DPP6: variants seen among roughly 807,000 people sequenced by gnomAD.
The protein encoded by DPP6 is A-type potassium channel modulatory protein DPP6.
In DPP6, 69 loss-of-function variants were observed where a neutral mutation model predicts 122.6. That is an observed-to-expected ratio of 0.56 (90% CI 0.46 to 0.69). The LOEUF is 0.69. Among genes scored for constraint, DPP6 ranks in the 30% least tolerant of loss-of-function variants. DPP6 has a pLI of 0.00. For synonymous variants in DPP6, 418 were observed against 433.1 expected (o/e 0.97, Z 0.43); for missense variants, 928 against 1,116.9 (o/e 0.83, Z 2.41).
At chr7:154,827,377 A>T (rs1800242734) in intron 16 of DPP6, among the ~76,000 whole-genome samples, 1 of 151,426 alleles carries the variant, frequency 6.6e-6, no homozygotes, top group Admixed American at 6.6e-5. Flanking sequence ...TCAGTCTCAA[A>T]GCCTTTAGCT....
At chr7:153,871,287 G>A in the DPP6 span, among the ~76,000 whole-genome samples, 1 of 152,222 alleles carries the variant, frequency 6.6e-6, no homozygotes, top group Non-Finnish European at 1.5e-5. Flanking sequence ...CTTGAGCTGT[G>A]GTGGGCTCCA....
the DPP6 span, among the ~76,000 whole-genome samples, chr7:153,786,694 G>T: frequency 7.2e-6 from 1 of 138,204 alleles, no homozygotes; most frequent in Non-Finnish European, 1.5e-5. Flanking sequence ...AGCCGAGACC[G>T]CGCCACTGCA....
rs1032181779 is a variant in DPP6 at position 154,481,055 on chromosome 7, G to C, written c.457+6018G>C. 2.0e-5 allele frequency among the ~76,000 whole-genome samples: 3 copies of C among 152,050 alleles called. No homozygotes were observed. Among genetic ancestry groups the C allele is most frequent in the African/African-American group, 7.2e-5 (3 of 41,386 alleles). ...GCATCAGTCCACTCGGAGGGTTGGAGGGCTGGACTCAAGCCCAGCAGCAGC... is the reference window on the plus strand; with the variant it reads ...GCATCAGTCCACTCGGAGGGTTGGACGGCTGGACTCAAGCCCAGCAGCAGC... On this transcript the variant is annotated intron_variant, in intron 3 of 25. Transcript: ENST00000377770. The surrounding 1 kb of genome is among the most constrained non-coding windows in gnomAD (Gnocchi z 4.2).
intron 7 of DPP6, among the ~76,000 whole-genome samples, chr7:154,700,582 T>G (rs915835379): frequency 1.3e-5 from 2 of 152,262 alleles, no homozygotes; most frequent in African/African-American, 4.8e-5. Context: ...TTCAGCCTTC[T>G]TCAAAGGCCA....
Position 154,835,591 on chromosome 7 carries a change from G to A in DPP6, c.1667-18189G>A, listed in dbSNP as rs540318755. On this transcript the variant is annotated intron_variant, in intron 16 of 25. Transcript: ENST00000377770. ...CAGTGGACCCCAAAGTGTTTTGGTGGCTGGATTTTGTTAGAGACACACATT... is the reference window on the plus strand; with the variant it reads ...CAGTGGACCCCAAAGTGTTTTGGTGACTGGATTTTGTTAGAGACACACATT... Among the ~76,000 whole-genome samples the A allele has an allele frequency of 7.9e-5, 12 of 152,256 alleles. No individual in the cohort carries two copies. In the South Asian group the frequency reaches 1.7e-3, roughly 21 times the overall value.
At chr7:154,278,051 A>G (rs1804254917) in intron 1 of DPP6, among the ~76,000 whole-genome samples, 1 of 152,214 alleles carries the variant, frequency 6.6e-6, no homozygotes, top group Non-Finnish European at 1.5e-5. Context: ...TGGTTCAGCC[A>G]CTGCAAAATA....
chr7:154,083,380 A>G (rs1020808192), intron 1 of DPP6, among the ~76,000 whole-genome samples: 28 of 151,786 alleles, frequency 1.8e-4, no homozygotes, highest in African/African-American at 6.3e-4. Context: ...CCTCTTATTT[A>G]TCTCTCTTCA....
At chr7:154,709,632 TCA>T (rs1460646742) in intron 7 of DPP6, among the ~76,000 whole-genome samples, 2 of 151,464 alleles carry the variant, frequency 1.3e-5, no homozygotes, top group African/African-American at 4.8e-5. Context: ...ATACTTGTAG[TCA>T]CAGTTTGGTG....
At chr7:154,805,042 G>A in intron 15 of DPP6, 78 bp downstream of exon 15, 1 of 1,525,312 alleles carries the variant, frequency 6.6e-7, no homozygotes, top group Non-Finnish European at 8.9e-7. Context: ...CACCTTTTCA[G>A]CAGTTCGGAA....
At chr7:154,804,845 T>C (rs918538233) in intron 14 of DPP6, 72 bp from the exon 15 acceptor site, 15 of 1,553,212 alleles carry the variant, frequency 9.7e-6, no homozygotes, top group Non-Finnish European at 1.3e-5. Context: ...TCCATAGAGG[T>C]AGTGCCAGGA....
intron 18 of DPP6, among the ~76,000 whole-genome samples, chr7:154,870,610 A>C (rs1804302068): frequency 6.6e-6 from 1 of 152,038 alleles, no homozygotes; most frequent in Non-Finnish European, 1.5e-5. Flanking sequence ...TGTCTCAAAA[A>C]ACAAAAAACA....
intron 5 of DPP6, among the ~76,000 whole-genome samples, chr7:154,631,377 G>A (rs766606033): frequency 2.6e-5 from 4 of 152,228 alleles, no homozygotes; most frequent in African/African-American, 4.8e-5. Flanking sequence ...AAGATGCCAC[G>A]TGTTTGGTAG....
chr7:154,722,107 A>AT (rs916378375), intron 7 of DPP6, among the ~76,000 whole-genome samples: 1 of 151,850 alleles, frequency 6.6e-6, no homozygotes, highest in Non-Finnish European at 1.5e-5. Context: ...AGGCAGGAGG[A>AT]TTGCTTGAGC....
intron 1 of DPP6, among the ~76,000 whole-genome samples, chr7:154,388,465 CA>C (rs1814317254): frequency 6.6e-6 from 1 of 152,126 alleles, no homozygotes; most frequent in Non-Finnish European, 1.5e-5. Flanking sequence ...GTCTTCCCCC[CA>C]AAACTCTTGG....
Position 154,329,568 on chromosome 7 carries a change from G to A in DPP6, c.244-116646G>A, listed in dbSNP as rs539768922. On this transcript the variant is annotated intron_variant, in intron 1 of 25. Coordinates refer to ENST00000377770, the MANE Select transcript of DPP6 (RefSeq NM_130797.4). Reference sequence around the variant, plus strand: ...GGAGAGGATGTGGAGAAATAGGAACGCTTTCACACTGTTGGGGGGAGTGTA... The same window carrying A: ...GGAGAGGATGTGGAGAAATAGGAACACTTTCACACTGTTGGGGGGAGTGTA... Among the ~76,000 whole-genome samples, 5 of 152,330 alleles carry A rather than the reference G, an allele frequency of 3.3e-5. No homozygotes were observed. In the South Asian group the frequency reaches 6.2e-4, roughly 19 times the overall value.
At chr7:154,280,710 G>T (rs948304102) in intron 1 of DPP6, among the ~76,000 whole-genome samples, 29 of 152,220 alleles carry the variant, frequency 1.9e-4, no homozygotes, top group African/African-American at 7.0e-4. Flanking sequence ...GAAAATCACC[G>T]TGTTGACATA....
At position 154,766,313 on chromosome 7, in the gene DPP6, CTTTTA is replaced by C. The variant is rs368776201; in HGVS notation, c.884-3089_884-3085del. Among the ~76,000 whole-genome samples the C allele has an allele frequency of 1.6e-3, 248 of 151,938 alleles. 3 individuals are homozygous for C. The highest frequency in any genetic ancestry group is 5.8e-3 in the African/African-American group (240 of 41,268). On this transcript the variant is annotated intron_variant, in intron 8 of 25. Coordinates refer to ENST00000377770, the MANE Select transcript of DPP6 (RefSeq NM_130797.4). Reference sequence around the variant, plus strand: ...GACCCAATGGTCGCTAAGTTCCCTTCTTTTATTTTATTTTATTTTTTTGAGACCTA... The same window carrying C: ...GACCCAATGGTCGCTAAGTTCCCTTCTTTTATTTTATTTTTTTGAGACCTA...
chr7:154,364,690 A>AG (rs1326583550), intron 1 of DPP6, among the ~76,000 whole-genome samples: 1 of 152,220 alleles, frequency 6.6e-6, no homozygotes, highest in Non-Finnish European at 1.5e-5. Context: ...TTTGTTAAAA[A>AG]GGGAAAAATC....
the DPP6 span, among the ~76,000 whole-genome samples, chr7:153,809,501 A>C: frequency 2.0e-5 from 3 of 152,162 alleles, no homozygotes; most frequent in Non-Finnish European, 4.4e-5. Flanking sequence ...TAGTCTTGTG[A>C]ATGCTCAGTG....
Sources: gnomAD v4.1 joint callset for allele counts (sites outside exome capture counted in the v4.1 genomes callset) on GRCh38, gnomAD v4.1.1 for gene constraint, Gnocchi (gnomAD v3.1) non-coding constraint, MANE v1.5 for transcripts, NCBI Gene and HGNC (gene_info 2026-07-23, HGNC 2026-07-21) for gene names.